Variants in RABGEF1 observed in about 807,000 individuals in gnomAD.
The protein encoded by RABGEF1 is rab5 GDP/GTP exchange factor.
Under a neutral mutation model 57.3 loss-of-function variants are expected in RABGEF1, and 26 were observed. That is an observed-to-expected ratio of 0.45 (90% CI 0.33 to 0.63). The LOEUF (loss-of-function observed/expected upper bound fraction) is 0.63, where lower values mean the gene tolerates loss of function less well. RABGEF1 is among the 20% of genes least tolerant of loss of function. The probability of loss-of-function intolerance (pLI) is 0.02; values close to 1 mark genes in which losing one functional copy is unlikely to be tolerated. For missense variants in RABGEF1, 464 were observed against 607.6 expected, an observed-to-expected ratio of 0.76 and a Z score of 2.48; for synonymous variants, 185 against 210.7, an observed-to-expected ratio of 0.88 and a Z score of 1.06.
In RABGEF1 at chr7:66,805,240, T is replaced by A; in HGVS notation, c.921T>A (p.Asn307Lys). ...TCAATGCCATCAAGATCACCAAGAA[T>A]GAGCCGGCGTCAGCGGATGACTTCC... ...HIFNAIKITK[N>K]EPASADDFLP... is the part of the protein sequence containing the mutation. The change falls in exon 8 of 9, where the codon AAT becomes AAA. Residue 307 changes from asparagine (N) to lysine (K), a missense_variant. By Grantham distance (94) the Asn-to-Lys change is moderately conservative (BLOSUM62 0). Coordinates refer to ENST00000284957, the MANE Select transcript of RABGEF1 (RefSeq NM_014504.3). The A allele has an allele frequency of 6.2e-7, 1 of 1,614,218 alleles. No homozygotes were observed. The highest frequency in any genetic ancestry group is 8.5e-7 in the Non-Finnish European group (1 of 1,180,040).
At chr7:66,758,114 G>T (rs1360789560) in intron 1 of RABGEF1, among the ~76,000 whole-genome samples, 2 of 152,170 alleles carry the variant, frequency 1.3e-5, no homozygotes, top group African/African-American at 4.8e-5. Context: ...TGCCTGGAGA[G>T]AGGAATGACC....
the RABGEF1 span, among the ~76,000 whole-genome samples, chr7:66,656,408 G>GAGCC: frequency 2.0e-5 from 3 of 152,042 alleles, no homozygotes; most frequent in African/African-American, 7.2e-5. Context: ...ATCAGCTACT[G>GAGCC]AGCCTGGAGG....
At chr7:66,755,990 A>G (rs1802615510) in intron 1 of RABGEF1, 1 of 1,262,826 alleles carries the variant, frequency 7.9e-7, no homozygotes, top group Non-Finnish European at 1.1e-6. Context: ...ATTATATTTA[A>G]TCATATGAAA....
At chr7:66,769,638 T>A (rs1252175632) in intron 1 of RABGEF1, among the ~76,000 whole-genome samples, 1 of 152,212 alleles carries the variant, frequency 6.6e-6, no homozygotes, top group African/African-American at 2.4e-5. Context: ...TACAGTTGCT[T>A]TTGCAGGAGA....
intron 3 of RABGEF1, among the ~76,000 whole-genome samples, chr7:66,778,041 A>G (rs180968139): frequency 2.4e-4 from 37 of 152,344 alleles, no homozygotes; most frequent in Middle Eastern, 3.4e-3. Flanking sequence ...TTCACAGATC[A>G]CTTAATATAA....
the RABGEF1 span, among the ~76,000 whole-genome samples, chr7:66,667,862 A>G: frequency 5.3e-5 from 8 of 152,126 alleles, no homozygotes; most frequent in South Asian, 2.1e-4. Flanking sequence ...CAATGGTGCA[A>G]TCTCGGCTCA....
intron 4 of RABGEF1, among the ~76,000 whole-genome samples, chr7:66,792,982 G>C (rs536883427): frequency 6.9e-4 from 105 of 151,954 alleles, no homozygotes; most frequent in Admixed American, 2.0e-3. Flanking sequence ...AAGCAATACT[G>C]TACTGGAGCA....
intron 2 of RABGEF1, among the ~76,000 whole-genome samples, chr7:66,774,763 A>G (rs1808100955): frequency 6.6e-6 from 1 of 152,098 alleles, no homozygotes; most frequent in Non-Finnish European, 1.5e-5. Flanking sequence ...CTGTCTCAAA[A>G]ACAACCAAAA....
intron 2 of RABGEF1, among the ~76,000 whole-genome samples, chr7:66,730,111 C>T (rs1797130303): frequency 6.6e-6 from 1 of 152,258 alleles, no homozygotes; most frequent in African/African-American, 2.4e-5. Context: ...CTCCCTTTCT[C>T]ATCTCTAAGA....
the RABGEF1 span, among the ~76,000 whole-genome samples, chr7:66,673,362 A>G: frequency 6.6e-6 from 1 of 151,780 alleles, no homozygotes; most frequent in African/African-American, 2.4e-5. Context: ...AGCTTGCTGC[A>G]CTCTGGTCTA....
intron 3 of RABGEF1, 142 bp downstream of exon 3, chr7:66,775,535 G>C (rs1962049): frequency 0.06 from 55,735 of 932,968 alleles, 1,967 homozygotes; most frequent in Middle Eastern, 0.14. Context: ...TTGGGCTTGA[G>C]GGTCAGACAG....
chr7:66,773,918 G>A (rs1318043401), intron 2 of RABGEF1: 1 of 409,466 alleles, frequency 2.4e-6, no homozygotes, highest in South Asian at 1.8e-5. Flanking sequence ...CGGCCGCCTT[G>A]GCCTCCCAGT....
At chr7:66,799,549 G>A in intron 7 of RABGEF1, 135 bp downstream of exon 7, 1 of 707,392 alleles carries the variant, frequency 1.4e-6, no homozygotes, top group Non-Finnish European at 2.3e-6. Flanking sequence ...TGATTTGTAA[G>A]ATTGTTTTAT....
chr7:66,658,873 C>T, the RABGEF1 span, among the ~76,000 whole-genome samples: 1 of 152,046 alleles, frequency 6.6e-6, no homozygotes, highest in Admixed American at 6.5e-5. Context: ...GTAGCTGGGA[C>T]TACAGGCGCC....
chr7:66,676,515 T>C, the RABGEF1 span, among the ~76,000 whole-genome samples: 6 of 152,160 alleles, frequency 3.9e-5, no homozygotes, highest in Admixed American at 2.0e-4. Context: ...AATAAATCCA[T>C]GTATGAGTGG....
intron 1 of RABGEF1, among the ~76,000 whole-genome samples, chr7:66,757,802 G>A (rs1203658694): frequency 2.0e-5 from 3 of 152,078 alleles, no homozygotes; most frequent in Non-Finnish European, 4.4e-5. Context: ...TAGTAGAGAC[G>A]GGGTTTCACC....
chr7:66,810,038 TC>T lies in RABGEF1; in HGVS notation c.*755del. 1 of 152,230 alleles carries T rather than the reference TC, an allele frequency of 6.6e-6. No individual in the cohort carries two copies. The highest frequency in any genetic ancestry group is 1.5e-5 in the Non-Finnish European group (1 of 68,038). 9.4% of individuals were successfully genotyped at this position (152,230 alleles called of 1,614,324 possible). ...TCGATGGAAGACTTTAAACTATGCT[TC>T]TAGCTTATTTTTCCCTCATTCATTC... On this transcript the variant is annotated 3_prime_UTR_variant, in exon 9 of 9. Transcript: ENST00000284957.
At chr7:66,785,058 T>C (rs568456121) in intron 4 of RABGEF1, among the ~76,000 whole-genome samples, 1 of 152,204 alleles carries the variant, frequency 6.6e-6, no homozygotes, top group Non-Finnish European at 1.5e-5. Flanking sequence ...ATGTATGCTG[T>C]ATAATATGTT....
intron 4 of RABGEF1, among the ~76,000 whole-genome samples, chr7:66,787,146 C>T (rs547044089): frequency 6.6e-6 from 1 of 151,906 alleles, no homozygotes; most frequent in South Asian, 2.1e-4. Flanking sequence ...CCTCCCTCAG[C>T]CTCTCGAGTA....
Sources: gnomAD v4.1 joint callset for allele counts (sites outside exome capture counted in the v4.1 genomes callset) on GRCh38, gnomAD v4.1.1 for gene constraint, MANE v1.5 for transcripts, NCBI Gene and HGNC (gene_info 2026-07-23, HGNC 2026-07-21) for gene names.